The following DCC variants were observed in gnomAD, a reference collection of about 807,000 sequenced individuals.
DCC encodes DCC netrin 1 receptor, also known as netrin receptor DCC.
A neutral mutation model predicts 172.5 loss-of-function variants in DCC; 58 were observed. The ratio of observed to expected loss-of-function variants is 0.34; its 90% CI spans 0.27 to 0.42. The LOEUF is 0.42. DCC is among the 10% of genes least tolerant of loss of function. DCC has a pLI of 1.00. For synonymous variants in DCC, 709 were observed against 644.5 expected (o/e 1.10, Z -1.52); for missense variants, 1,740 against 1,791.0 (o/e 0.97, Z 0.51).
intron 2 of DCC, among the ~76,000 whole-genome samples, chr18:52,788,322 C>T (rs1029691470): frequency 6.6e-6 from 1 of 152,082 alleles, no homozygotes; most frequent in South Asian, 2.1e-4. Flanking sequence ...TAATGAAAAA[C>T]CTGGTTAGTA....
intron 1 of DCC, among the ~76,000 whole-genome samples, chr18:52,688,898 G>A (rs773495072): frequency 5.6e-4 from 85 of 152,082 alleles, no homozygotes; most frequent in Non-Finnish European, 9.6e-4. Flanking sequence ...CTAAGCAACA[G>A]TAACTTATTA....
At chr18:53,191,212 AC>A (rs1448529795) in intron 9 of DCC, among the ~76,000 whole-genome samples, 1 of 152,178 alleles carries the variant, frequency 6.6e-6, no homozygotes, top group Non-Finnish European at 1.5e-5. Flanking sequence ...TAAGCTCTTC[AC>A]AAAAATGTTG....
At chr18:53,271,552 T>G (rs1189936674) in intron 12 of DCC, among the ~76,000 whole-genome samples, 6 of 152,184 alleles carry the variant, frequency 3.9e-5, no homozygotes, top group African/African-American at 1.2e-4. Flanking sequence ...CCCCAGGTAC[T>G]CTGGCTGTTG....
chr18:53,029,191 T>A (rs2041995678), intron 5 of DCC, among the ~76,000 whole-genome samples: 1 of 152,172 alleles, frequency 6.6e-6, no homozygotes, highest in Non-Finnish European at 1.5e-5. Context: ...AAATGTGGAT[T>A]TTTAGCCAGT....
chr18:52,418,114 C>T (rs1222945), intron 1 of DCC, among the ~76,000 whole-genome samples: 34,291 of 152,092 alleles, frequency 0.23, 3,936 homozygotes, highest in Middle Eastern at 0.28. Flanking sequence ...ACCAACAGAT[C>T]GTCAAAGGCT....
rs183244662 is a variant in DCC, at chr18:53,327,524, T to C, written c.2164+5367T>C. Among the ~76,000 whole-genome samples, 306 of 152,294 alleles carry C rather than the reference T, an allele frequency of 2.0e-3. 2 individuals are homozygous for C. The highest frequency in any genetic ancestry group is 0.011 in the Admixed American group (164 of 15,302). On this transcript the variant is annotated intron_variant, in intron 14 of 28. Transcript: ENST00000442544. ...AATAATCATGTGATTTAAAATCGAC[T>C]CTCTACCCTGAAGTGGAGGAGTTTA...
chr18:53,190,572 G>A (rs117376634), intron 9 of DCC, among the ~76,000 whole-genome samples: 3,904 of 151,636 alleles, frequency 0.026, 82 homozygotes, highest in Non-Finnish European at 0.035. Context: ...TTTGATAACA[G>A]TTCTTTAATG....
At chr18:53,509,983 GTTAAA>G (rs1168251288) in intron 27 of DCC, among the ~76,000 whole-genome samples, 1 of 152,156 alleles carries the variant, frequency 6.6e-6, no homozygotes, top group Non-Finnish European at 1.5e-5. Flanking sequence ...GAGGGAATTA[GTTAAA>G]TTAGTATTTA....
At chr18:52,768,750 T>G (rs1386596565) in intron 2 of DCC, among the ~76,000 whole-genome samples, 1 of 152,176 alleles carries the variant, frequency 6.6e-6, no homozygotes. Context: ...CTGTCATTAT[T>G]TAGCATAGGG....
intron 5 of DCC, among the ~76,000 whole-genome samples, chr18:52,985,417 C>T (rs1425143835): frequency 6.6e-6 from 1 of 152,082 alleles, no homozygotes; most frequent in African/African-American, 2.4e-5. Context: ...GCATTCAATA[C>T]TGCTGATGAG....
intron 14 of DCC, among the ~76,000 whole-genome samples, chr18:53,332,717 G>C (rs1193616562): frequency 6.6e-6 from 1 of 152,090 alleles, no homozygotes; most frequent in Non-Finnish European, 1.5e-5. Context: ...GGCAGCCTAA[G>C]GAAATTTTGG....
intron 13 of DCC, among the ~76,000 whole-genome samples, chr18:53,314,418 G>C (rs34182515): frequency 6.6e-6 from 1 of 152,182 alleles, no homozygotes; most frequent in Non-Finnish European, 1.5e-5. Flanking sequence ...GATAAAACTA[G>C]TGCAGTCTAT....
intron 1 of DCC, among the ~76,000 whole-genome samples, chr18:52,601,837 T>C (rs996802177): frequency 2.0e-5 from 3 of 152,088 alleles, no homozygotes; most frequent in Admixed American, 2.0e-4. Flanking sequence ...AAAACCTTTG[T>C]ATTCCAGGGC....
At chr18:53,296,410 C>T (rs924069458) in intron 12 of DCC, among the ~76,000 whole-genome samples, 1 of 152,136 alleles carries the variant, frequency 6.6e-6, no homozygotes, top group African/African-American at 2.4e-5. Context: ...TCATTGTTTC[C>T]TTTCATTTGT....
chr18:52,782,394 C>G (rs539875761), intron 2 of DCC, among the ~76,000 whole-genome samples: 1 of 152,178 alleles, frequency 6.6e-6, no homozygotes, highest in South Asian at 2.1e-4. Context: ...TAAGTATTTA[C>G]AAGTCAGGAG....
At chr18:53,150,539 A>C (rs2043982337) in intron 7 of DCC, among the ~76,000 whole-genome samples, 1 of 152,192 alleles carries the variant, frequency 6.6e-6, no homozygotes, top group African/African-American at 2.4e-5. Flanking sequence ...AACAATAACA[A>C]AAATGACCGG....
chr18:52,797,745 G>T (rs953898119), intron 2 of DCC, among the ~76,000 whole-genome samples: 1 of 152,216 alleles, frequency 6.6e-6, no homozygotes, highest in Non-Finnish European at 1.5e-5. Context: ...TTGTATGGGT[G>T]CTGGCAGCAG....
intron 11 of DCC, among the ~76,000 whole-genome samples, chr18:53,212,668 T>G (rs570626752): frequency 2.3e-4 from 14 of 61,956 alleles, no homozygotes; most frequent in East Asian, 1.7e-3. Context: ...CAATTCTTGT[T>G]TTTTTTTTTT....
At chr18:53,110,464 T>C (rs1020529540) in intron 7 of DCC, among the ~76,000 whole-genome samples, 8 of 151,642 alleles carry the variant, frequency 5.3e-5, no homozygotes, top group Admixed American at 3.3e-4. Flanking sequence ...AAAAGAGGGC[T>C]TTTGCCACTT....
Sources: gnomAD v4.1 joint callset for allele counts (sites outside exome capture counted in the v4.1 genomes callset) on GRCh38, gnomAD v4.1.1 for gene constraint, MANE v1.5 for transcripts, NCBI Gene and HGNC (gene_info 2026-07-23, HGNC 2026-07-21) for gene names.